CADPS2: variants seen among roughly 807,000 people sequenced by gnomAD.
The protein encoded by CADPS2 is calcium-dependent secretion activator 2.
CADPS2 carries 93 observed loss-of-function variants against 172.5 expected under a neutral mutation model. That is an observed-to-expected ratio of 0.54 (90% CI 0.46 to 0.64). The LOEUF is 0.64. CADPS2 is among the 30% of genes least tolerant of loss of function. CADPS2 has a pLI of 0.00. For synonymous variants in CADPS2, 546 were observed against 555.2 expected (o/e 0.98, Z 0.23); for missense variants, 1,420 against 1,565.9 (o/e 0.91, Z 1.57).
intron 1 of CADPS2, among the ~76,000 whole-genome samples, chr7:122,794,681 T>G (rs535884079): frequency 6.6e-6 from 1 of 151,244 alleles, no homozygotes; most frequent in East Asian, 2.0e-4. Context: ...TATCACCACA[T>G]GGCACATCCT....
At chr7:122,611,616 C>T (rs925851032) in intron 6 of CADPS2, among the ~76,000 whole-genome samples, 1 of 151,982 alleles carries the variant, frequency 6.6e-6, no homozygotes, top group African/African-American at 2.4e-5. Flanking sequence ...AAAGCTCAGT[C>T]CCAGATGGCT....
At chr7:122,442,891 G>A (rs2051559638) in intron 15 of CADPS2, among the ~76,000 whole-genome samples, 1 of 152,088 alleles carries the variant, frequency 6.6e-6, no homozygotes, top group South Asian at 2.1e-4. Context: ...ACACGCACAA[G>A]AAAGCCATAA....
chr7:122,818,562 A>G (rs933423145), intron 1 of CADPS2, among the ~76,000 whole-genome samples: 2 of 151,878 alleles, frequency 1.3e-5, no homozygotes, highest in East Asian at 1.9e-4. Context: ...TTCCTTTTCT[A>G]CAGACCCATC....
At chr7:122,833,442 C>T (rs1807247768) in intron 1 of CADPS2, among the ~76,000 whole-genome samples, 1 of 152,156 alleles carries the variant, frequency 6.6e-6, no homozygotes, top group Admixed American at 6.5e-5. Flanking sequence ...CCTTTGCCTC[C>T]CGGGTTCGAG....
At chr7:122,421,690 G>A (rs2048549185) in intron 17 of CADPS2, among the ~76,000 whole-genome samples, 1 of 152,106 alleles carries the variant, frequency 6.6e-6, no homozygotes, top group African/African-American at 2.4e-5. Context: ...GGTAGAATAT[G>A]GCAACCTATA....
chr7:122,579,316 C>T, intron 7 of CADPS2, among the ~76,000 whole-genome samples: 1 of 151,442 alleles, frequency 6.6e-6, no homozygotes, highest in East Asian at 2.0e-4. Context: ...AAGCACCTGC[C>T]AACAAAGAAT....
At chr7:122,665,498 A>T (rs1163521748) in intron 2 of CADPS2, among the ~76,000 whole-genome samples, 1 of 152,210 alleles carries the variant, frequency 6.6e-6, no homozygotes, top group Admixed American at 6.5e-5. Flanking sequence ...ATAAGTTAAA[A>T]ATATCATGTC....
chr7:122,418,263 T>C (rs966398861), intron 17 of CADPS2, among the ~76,000 whole-genome samples: 5 of 152,182 alleles, frequency 3.3e-5, no homozygotes, highest in Non-Finnish European at 4.4e-5. Context: ...CACATTTTCC[T>C]AACAGCTTTG....
At position 122,551,212 on chromosome 7, in the gene CADPS2, A is replaced by AT. The variant is rs2064241727; in HGVS notation, c.1475+3337dup. Among the ~76,000 whole-genome samples the AT allele has an allele frequency of 2.6e-5, 4 of 152,214 alleles. No homozygotes were observed. The South Asian group carries it at 8.3e-4, about 32-fold the overall frequency. On this transcript the variant is annotated intron_variant, in intron 8 of 29. Coordinates refer to ENST00000449022, the MANE Select transcript of CADPS2 (RefSeq NM_017954.11). ...ATTTTAGGCATTTTTTTACATTAAA[A>AT]TTATGTTCTATTCTCAATAAACTGT...
chr7:122,515,545 C>T (rs781305870), intron 8 of CADPS2, among the ~76,000 whole-genome samples: 21 of 152,136 alleles, frequency 1.4e-4, no homozygotes, highest in Non-Finnish European at 1.3e-4. Context: ...TGGCTTGGAG[C>T]CACAGAGAGC....
intron 22 of CADPS2, 121 bp from the exon 23 acceptor site, chr7:122,388,859 C>A (rs2044018282): frequency 2.3e-6 from 2 of 870,388 alleles, no homozygotes; most frequent in East Asian, 5.4e-5. Flanking sequence ...TATAAAGTCT[C>A]TAATGATCCA....
chr7:122,702,327 T>C, intron 2 of CADPS2: 1 of 1,613,776 alleles, frequency 6.2e-7, no homozygotes, highest in Non-Finnish European at 8.5e-7. Flanking sequence ...TGGTGAGACA[T>C]GGGAAATACT....
Position 122,676,485 on chromosome 7 carries a change from A to G in CADPS2, c.454-12916T>C, listed in dbSNP as rs544924775. Reference sequence around the variant, plus strand: ...GAAAAATGAGGACATTTTATATACCAGGCTGTATCTCGACTGCTCACTACA... The same window carrying G: ...GAAAAATGAGGACATTTTATATACCGGGCTGTATCTCGACTGCTCACTACA... On this transcript the variant is annotated intron_variant, in intron 2 of 29. Coordinates refer to ENST00000449022, the MANE Select transcript of CADPS2 (RefSeq NM_017954.11). 7.5e-6 allele frequency: 3 copies of G among 398,096 alleles called. No homozygotes were observed. In the South Asian group the frequency reaches 3.8e-4, roughly 51 times the overall value. The allele number at this position is 398,096 out of a possible 1,614,324, so 24.7% of individuals were successfully genotyped here. A position where few individuals can be genotyped will look rare whatever the true frequency, so the allele number is the denominator to read the frequency against.
chr7:122,824,115 C>T (rs150707425), intron 1 of CADPS2, among the ~76,000 whole-genome samples: 9 of 152,250 alleles, frequency 5.9e-5, no homozygotes, highest in African/African-American at 2.2e-4. Flanking sequence ...TATCACCCAA[C>T]ATTTAAAAGA....
intron 4 of CADPS2, among the ~76,000 whole-genome samples, chr7:122,627,857 T>C (rs746889984): frequency 2.6e-5 from 4 of 152,142 alleles, no homozygotes; most frequent in Non-Finnish European, 5.9e-5. Context: ...GGATAGGACT[T>C]GGCATTAAAA....
At chr7:122,370,410 T>C (rs2041617688) in intron 25 of CADPS2, among the ~76,000 whole-genome samples, 1 of 152,194 alleles carries the variant, frequency 6.6e-6, no homozygotes, top group Non-Finnish European at 1.5e-5. Context: ...CCTTTTTCAT[T>C]TGGGGCAGAG....
intron 8 of CADPS2, among the ~76,000 whole-genome samples, chr7:122,554,111 CTT>C (rs781116064): frequency 1.5e-4 from 23 of 152,246 alleles, no homozygotes; most frequent in African/African-American, 5.5e-4. Context: ...TCATATCCCT[CTT>C]GTTAAAATGT....
rs1345651125 is a variant in CADPS2 at position 122,803,573 on chromosome 7, G to T, written c.340-66505C>A. Among the ~76,000 whole-genome samples, 4 of 152,236 alleles carry T rather than the reference G, an allele frequency of 2.6e-5. No homozygotes were observed. The East Asian group carries it at 7.7e-4, about 29-fold the overall frequency. On this transcript the variant is annotated intron_variant, in intron 1 of 29. Transcript: ENST00000449022. ...TCACAGGAAACTTTCACCACTAGAT[G>T]GTGAGCTTGTGGCTTGGCAGCTCAT...
intron 1 of CADPS2, among the ~76,000 whole-genome samples, chr7:122,876,678 A>T (rs996748036): frequency 1.3e-5 from 2 of 152,138 alleles, no homozygotes; most frequent in African/African-American, 4.8e-5. Context: ...ATATATATAC[A>T]TGTATATTTT....
Sources: gnomAD v4.1 joint callset for allele counts (sites outside exome capture counted in the v4.1 genomes callset) on GRCh38, gnomAD v4.1.1 for gene constraint, MANE v1.5 for transcripts, NCBI Gene and HGNC (gene_info 2026-07-23, HGNC 2026-07-21) for gene names.